Variants in ZDHHC14 observed in about 807,000 individuals in gnomAD.
ZDHHC14 encodes zDHHC palmitoyltransferase 14.
In ZDHHC14, 16 loss-of-function variants were observed where a neutral mutation model predicts 47.7. The observed-to-expected ratio is 0.34, with a 90% CI of 0.23 to 0.51. The LOEUF is 0.51. ZDHHC14 is among the 20% of genes least tolerant of loss of function. The probability of loss-of-function intolerance (pLI) is 0.97; values close to 1 mark genes in which losing one functional copy is unlikely to be tolerated. For missense variants in ZDHHC14, 515 were observed against 662.5 expected, an observed-to-expected ratio of 0.78 and a Z score of 2.44; for synonymous variants, 293 against 278.9, an observed-to-expected ratio of 1.05 and a Z score of -0.50.
At chr6:157,609,710 A>G (rs894889672) in intron 3 of ZDHHC14, among the ~76,000 whole-genome samples, 3 of 152,202 alleles carry the variant, frequency 2.0e-5, no homozygotes, top group African/African-American at 7.2e-5. Context: ...GTGGCCGGGC[A>G]CTGAGCTTGC....
chr6:157,558,321 C>G (rs2114836086), intron 2 of ZDHHC14, among the ~76,000 whole-genome samples: 1 of 152,276 alleles, frequency 6.6e-6, no homozygotes, highest in Admixed American at 6.5e-5. Flanking sequence ...CCCCTTTTGA[C>G]AGATGCCTGG....
chr6:157,401,284 TTTTCAAAA>T (rs1777630243), intron 1 of ZDHHC14, among the ~76,000 whole-genome samples: 2 of 152,366 alleles, frequency 1.3e-5, no homozygotes, highest in Middle Eastern at 6.8e-3. Flanking sequence ...AAATAGGCAC[TTTTCAAAA>T]TAATACTTTT....
intron 1 of ZDHHC14, among the ~76,000 whole-genome samples, chr6:157,467,191 G>T (rs1779239755): frequency 6.6e-6 from 1 of 152,066 alleles, no homozygotes; most frequent in African/African-American, 2.4e-5. Flanking sequence ...CGTGAGATTT[G>T]CCCTTTTAAG....
At chr6:157,419,378 T>G (rs181069615) in intron 1 of ZDHHC14, among the ~76,000 whole-genome samples, 255 of 152,358 alleles carry the variant, frequency 1.7e-3, no homozygotes, top group Non-Finnish European at 2.5e-3. Context: ...CTATTTTGTA[T>G]GATACTGTAT....
In ZDHHC14 at chr6:157,542,720, A is replaced by T; in HGVS notation, c.381A>T (p.Glu127Asp). Residue 127 changes from glutamate (E) to aspartate (D), a missense_variant, in exon 2 of 9, where the codon GAA (glutamate) becomes GAT (aspartate). Glu to Asp is a conservative substitution (Grantham distance 45). Around this residue, in one of 4 missense-constraint regions of ZDHHC14, gnomAD observed 229 missense variants for 351.5 expected, o/e 0.65. Coordinates refer to ENST00000359775, the MANE Select transcript of ZDHHC14 (RefSeq NM_024630.3). ...TCCTCCCACGAGCCACGCCTGATGA[A>T]GCCGCCGATCTGGAAAGGCAAATAG... ...PGVLPRATPD[E>D]AADLERQIDI... 6.2e-7 allele frequency: 1 copy of T among 1,614,004 alleles called. No individual in the cohort carries two copies.
chr6:157,424,510 A>T (rs1778176816), intron 1 of ZDHHC14, among the ~76,000 whole-genome samples: 1 of 152,198 alleles, frequency 6.6e-6, no homozygotes, highest in African/African-American at 2.4e-5. Context: ...CTGAGCTTGA[A>T]GCCGTCCTGT....
chr6:157,621,520 C>T (rs1384272085), intron 3 of ZDHHC14, among the ~76,000 whole-genome samples: 2 of 152,100 alleles, frequency 1.3e-5, no homozygotes, highest in Admixed American at 6.6e-5. Context: ...ATTCTCATTC[C>T]CCACATCCTG....
Position 157,492,209 on chromosome 6 carries a change from C to CCCCCG in ZDHHC14, c.246-50373_246-50372insCGCCC, listed in dbSNP as rs1490649594. Among the ~76,000 whole-genome samples, 19 of 147,354 alleles carry CCCCCG rather than the reference C, an allele frequency of 1.3e-4. 1 individual carries two copies. The highest frequency in any genetic ancestry group is 4.5e-4 in the African/African-American group (18 of 40,286). ...TCAACATCCCCCCTCCGCCCCCGCCCCCCAGCCACTGTAGTCTCCCTGTGC... is the reference window on the plus strand; with the variant it reads ...TCAACATCCCCCCTCCGCCCCCGCCCCCCCGCCCAGCCACTGTAGTCTCCCTGTGC... On this transcript the variant is annotated intron_variant, in intron 1 of 8. Coordinates refer to ENST00000359775, the MANE Select transcript of ZDHHC14 (RefSeq NM_024630.3).
chr6:157,406,790 A>G (rs890994294), intron 1 of ZDHHC14, among the ~76,000 whole-genome samples: 1 of 152,226 alleles, frequency 6.6e-6, no homozygotes, highest in Non-Finnish European at 1.5e-5. Flanking sequence ...GCAGCTGAAC[A>G]TGCAGCCTTG....
At chr6:157,527,085 A>G (rs766021148) in intron 1 of ZDHHC14, among the ~76,000 whole-genome samples, 21 of 152,146 alleles carry the variant, frequency 1.4e-4, no homozygotes, top group Non-Finnish European at 2.9e-4. Flanking sequence ...TTGAGAATCT[A>G]TGGATCCTCC....
intron 1 of ZDHHC14, among the ~76,000 whole-genome samples, chr6:157,414,949 C>T (rs1336315120): frequency 6.7e-6 from 1 of 150,092 alleles, no homozygotes; most frequent in South Asian, 2.1e-4. Context: ...CTTGGATCTT[C>T]GTAACTCTCA....
Position 157,537,098 on chromosome 6 carries a change from G to T in ZDHHC14, c.246-5487G>T, listed in dbSNP as rs372110395. Among the ~76,000 whole-genome samples, 3 of 55,678 alleles carry T rather than the reference G, an allele frequency of 5.4e-5. 1 individual carries two copies. The highest frequency in any genetic ancestry group is 1.2e-4 in the Non-Finnish European group (3 of 24,266). 36.5% of individuals were successfully genotyped at this position (55,678 alleles called of 152,430 possible). On this transcript the variant is annotated intron_variant, in intron 1 of 8. Coordinates refer to ENST00000359775, the MANE Select transcript of ZDHHC14 (RefSeq NM_024630.3). Reference sequence around the variant, plus strand: ...CTCCCAAAGTGCTGGGATTACAGGCGTGAGCCACCGCGCCCGGCTCCATCT... The same window carrying T: ...CTCCCAAAGTGCTGGGATTACAGGCTTGAGCCACCGCGCCCGGCTCCATCT...
At chr6:157,642,466 GT>G (rs1467346119) in intron 5 of ZDHHC14, among the ~76,000 whole-genome samples, 5 of 152,198 alleles carry the variant, frequency 3.3e-5, no homozygotes, top group Non-Finnish European at 7.3e-5. Flanking sequence ...GCTTGTCAGA[GT>G]TTTTCAATTC....
chr6:157,536,166 A>G (rs1170537179), intron 1 of ZDHHC14, among the ~76,000 whole-genome samples: 2 of 152,234 alleles, frequency 1.3e-5, no homozygotes, highest in Admixed American at 1.3e-4. Context: ...TGATTTCTGC[A>G]AAGTAGCAAC....
chr6:157,476,031 T>C (rs751065838), intron 1 of ZDHHC14, among the ~76,000 whole-genome samples: 1 of 151,718 alleles, frequency 6.6e-6, no homozygotes, highest in African/African-American at 2.4e-5. Context: ...CAACTTAACA[T>C]TAACCTCAAG....
At chr6:157,630,094 TCTC>T (rs1355237446) in intron 4 of ZDHHC14, 7 of 152,126 alleles carry the variant, frequency 4.6e-5, no homozygotes, top group African/African-American at 1.7e-4. Flanking sequence ...TTCAAGCAAT[TCTC>T]CTGCCTCGAG....
rs574281030 is a variant in ZDHHC14, at chr6:157,520,152, C to T, written c.246-22433C>T. ...AGGTGTCACTGTGTTCCATCCTAGC[C>T]GTGTCCTGATCTGGGGCCGTGGCTC... On this transcript the variant is annotated intron_variant, in intron 1 of 8. Transcript: ENST00000359775. 5.3e-5 allele frequency among the ~76,000 whole-genome samples: 8 copies of T among 152,266 alleles called. 1 individual carries two copies. In the South Asian group the frequency reaches 8.3e-4, roughly 16 times the overall value.
chr6:157,516,443 C>T (rs1377108783), intron 1 of ZDHHC14, among the ~76,000 whole-genome samples: 1 of 152,156 alleles, frequency 6.6e-6, no homozygotes, highest in Non-Finnish European at 1.5e-5. Flanking sequence ...GTGCCTGGCC[C>T]GTGCTCTGTG....
intron 1 of ZDHHC14, among the ~76,000 whole-genome samples, chr6:157,424,576 G>A (rs993162547): frequency 1.3e-5 from 2 of 152,178 alleles, no homozygotes; most frequent in Non-Finnish European, 2.9e-5. Flanking sequence ...CAAACGTGGT[G>A]CTTCGCTTGG....
Sources: allele counts gnomAD v4.1 joint callset (sites outside exome capture counted in the v4.1 genomes callset), GRCh38; gene constraint gnomAD v4.1.1; regional missense constraint gnomAD v4.1.1; transcripts MANE v1.5; gene names NCBI Gene and HGNC (gene_info 2026-07-23, HGNC 2026-07-21).